SPRY3: variants seen among roughly 807,000 people sequenced by gnomAD.
SPRY3 encodes the protein sprouty RTK signaling antagonist 3.
Under a neutral mutation model 20.2 loss-of-function variants are expected in SPRY3, and 15 were observed. That is an observed-to-expected ratio of 0.74 (90% CI 0.50 to 1.14). The LOEUF (loss-of-function observed/expected upper bound fraction) is 1.14. SPRY3 is among the 50% of genes most tolerant of loss of function. SPRY3 has a pLI of 0.00. For missense variants in SPRY3, 364 were observed against 363.9 expected (o/e 1.00, Z 0.00); for synonymous variants, 143 against 136.5 (o/e 1.05, Z -0.33).
At chrX:155,650,616 C>CCT (rs1296585157) in intron 1 of SPRY3, among the ~76,000 whole-genome samples, 2 of 111,530 alleles carry the variant, frequency 1.8e-5, no homozygotes, top group African/African-American at 3.3e-5. Context: ...TTTTTCAAGT[C>CCT]CTCTACATAT....
chrX:155,644,556 G>A (rs781949676), intron 1 of SPRY3, among the ~76,000 whole-genome samples: 1 of 111,183 alleles, frequency 9.0e-6, no homozygotes, highest in South Asian at 3.9e-4. Context: ...CAACCCATAA[G>A]TCACAATGCT....
chrX:155,769,248 G>T (rs1448443565), intron 3 of SPRY3, among the ~76,000 whole-genome samples: 3 of 152,132 alleles, frequency 2.0e-5, no homozygotes, highest in Non-Finnish European at 4.4e-5. Context: ...ACTTAGATTT[G>T]AAGATATTTA....
intron 1 of SPRY3, among the ~76,000 whole-genome samples, chrX:155,648,270 G>C: frequency 8.9e-6 from 1 of 112,509 alleles, no homozygotes; most frequent in African/African-American, 3.2e-5. Context: ...TCTGATGATA[G>C]TTTCTTTCGC....
intron 2 of SPRY3, among the ~76,000 whole-genome samples, chrX:155,731,042 T>C (rs960317669): frequency 1.3e-5 from 2 of 152,084 alleles, no homozygotes; most frequent in East Asian, 1.9e-4. Context: ...TATTCTATGT[T>C]CATGGATTGG....
At chrX:155,754,970 G>A (rs1225068959) in intron 2 of SPRY3, among the ~76,000 whole-genome samples, 3 of 151,924 alleles carry the variant, frequency 2.0e-5, no homozygotes, top group African/African-American at 7.2e-5. Flanking sequence ...TTGTGTGTGT[G>A]TGTGTGTATT....
intron 2 of SPRY3, among the ~76,000 whole-genome samples, chrX:155,744,810 T>G (rs1230114206): frequency 6.6e-6 from 1 of 152,014 alleles, no homozygotes. Context: ...CCACTTTACC[T>G]GTGGATTGTT....
chrX:155,712,442 C>T (rs1385549736), intron 2 of SPRY3, among the ~76,000 whole-genome samples: 1 of 151,842 alleles, frequency 6.6e-6, no homozygotes, highest in Non-Finnish European at 1.5e-5. Flanking sequence ...ATATGATGAC[C>T]TTTGTCTCTT....
At chrX:155,706,811 G>T (rs964965909) in intron 2 of SPRY3, among the ~76,000 whole-genome samples, 6 of 150,842 alleles carry the variant, frequency 4.0e-5, no homozygotes, top group Admixed American at 4.0e-4. Flanking sequence ...CATAGCAATG[G>T]TACATCTATT....
At chrX:155,748,396 C>T (rs780078558) in intron 2 of SPRY3, among the ~76,000 whole-genome samples, 3 of 151,742 alleles carry the variant, frequency 2.0e-5, no homozygotes, top group South Asian at 4.2e-4. Flanking sequence ...TATGTAATTA[C>T]CAAGAATAGA....
chrX:155,696,135 A>G (rs952874549), intron 2 of SPRY3, among the ~76,000 whole-genome samples: 1 of 109,770 alleles, frequency 9.1e-6, no homozygotes, highest in Non-Finnish European at 1.9e-5. Context: ...CCCTCTTGCC[A>G]GTTTTGACTA....
intron 2 of SPRY3, among the ~76,000 whole-genome samples, chrX:155,660,966 T>G (rs1356984827): frequency 8.9e-6 from 1 of 111,800 alleles, no homozygotes; most frequent in East Asian, 2.8e-4. Context: ...GGATCTTGTT[T>G]CTTTAAATCC....
chrX:155,727,419 C>T (rs766892173), intron 2 of SPRY3, among the ~76,000 whole-genome samples: 2 of 152,272 alleles, frequency 1.3e-5, no homozygotes, highest in South Asian at 4.2e-4. Flanking sequence ...GTTCCATTCT[C>T]CCCGTCACTT....
intron 1 of SPRY3, among the ~76,000 whole-genome samples, chrX:155,636,316 C>A (rs1219961778): frequency 1.8e-5 from 2 of 111,737 alleles, no homozygotes; most frequent in Non-Finnish European, 3.8e-5. Flanking sequence ...CTCTGGGGAA[C>A]CTCTTTGTAT....
chrX:155,681,693 G>A (rs890276299), intron 2 of SPRY3, among the ~76,000 whole-genome samples: 3 of 112,355 alleles, frequency 2.7e-5, no homozygotes, highest in Non-Finnish European at 5.6e-5. Context: ...TACTCATCTG[G>A]AGAAAGTTTG....
chrX:155,750,513 G>A (rs1031095283), intron 2 of SPRY3, among the ~76,000 whole-genome samples: 15 of 151,900 alleles, frequency 9.9e-5, no homozygotes, highest in Non-Finnish European at 2.1e-4. Flanking sequence ...AAAGTATAAA[G>A]AGGCTACCTG....
chrX:155,730,587 G>T (rs2091126547), intron 2 of SPRY3, among the ~76,000 whole-genome samples: 1 of 151,040 alleles, frequency 6.6e-6, no homozygotes, highest in South Asian at 2.1e-4. Context: ...GTATCATGCT[G>T]AATGGGGATC....
intron 2 of SPRY3, among the ~76,000 whole-genome samples, chrX:155,749,386 G>C (rs2091247322): frequency 6.6e-6 from 1 of 151,722 alleles, no homozygotes; most frequent in East Asian, 1.9e-4. Flanking sequence ...AAGTGACAGG[G>C]GTGTGTGTAA....
intron 2 of SPRY3, among the ~76,000 whole-genome samples, chrX:155,728,205 C>A (rs306913): frequency 0.37 from 56,721 of 151,864 alleles, 7,694 homozygotes; most frequent in South Asian, 0.51. Context: ...CAGAGGGGCA[C>A]CTGCCTGTAT....
intron 1 of SPRY3, among the ~76,000 whole-genome samples, chrX:155,627,022 T>G (rs1557349993): frequency 2.7e-5 from 3 of 111,888 alleles, no homozygotes; most frequent in Non-Finnish European, 5.6e-5. Flanking sequence ...ATATACATTG[T>G]GGAATGGTAA....
Sources: allele counts gnomAD v4.1 joint callset (sites outside exome capture counted in the v4.1 genomes callset), GRCh38; gene constraint gnomAD v4.1.1; transcripts MANE v1.5; gene names NCBI Gene and HGNC (gene_info 2026-07-23, HGNC 2026-07-21).